The following LDAF1 variants were observed in gnomAD, a reference collection of about 807,000 sequenced individuals.
The protein encoded by LDAF1 is PROMETHIN.
A neutral mutation model predicts 13.5 loss-of-function variants in LDAF1; 7 were observed. The observed-to-expected ratio is 0.52, with a 90% CI of 0.29 to 0.97. The LOEUF is 0.97. Among genes scored for constraint, LDAF1 ranks in the 50% least tolerant of loss-of-function variants. The probability of loss-of-function intolerance (pLI) is 0.07; values close to 1 mark genes in which losing one functional copy is unlikely to be tolerated. For synonymous variants in LDAF1, 69 were observed against 77.1 expected (o/e 0.89, Z 0.55); for missense variants, 148 against 193.2 (o/e 0.77, Z 1.39).
chr16:21,159,758 C>T (rs2092946617), intron 1 of LDAF1: 2 of 214,178 alleles, frequency 9.3e-6, no homozygotes, highest in East Asian at 1.8e-4. Flanking sequence ...ATGGCATTCG[C>T]CCCACGCACT....
intron 1 of LDAF1, among the ~76,000 whole-genome samples, chr16:21,159,019 C>A (rs2092928704): frequency 1.3e-5 from 2 of 151,792 alleles, no homozygotes; most frequent in African/African-American, 4.8e-5. Context: ...CACACATACA[C>A]ACACACACTA....
intron 4 of LDAF1, among the ~76,000 whole-genome samples, chr16:21,177,644 C>T (rs1432760039): frequency 1.7e-5 from 2 of 115,674 alleles, no homozygotes; most frequent in Non-Finnish European, 3.4e-5. Context: ...TTTTTTGAGA[C>T]GAGTCTCACT....
At chr16:21,164,834 T>A (rs564988848) in intron 2 of LDAF1, among the ~76,000 whole-genome samples, 2 of 152,200 alleles carry the variant, frequency 1.3e-5, no homozygotes, top group Non-Finnish European at 2.9e-5. Context: ...TCTGTTGCCA[T>A]GAGAATGAAA....
chr16:21,161,153 A>T lies in LDAF1; in HGVS notation c.-30A>T, dbSNP rs777385395. On this transcript the variant is annotated 5_prime_UTR_variant, in exon 2 of 5. Transcript: ENST00000233047. ...GGAGAATTTACTGGTAGGATAATTC[A>T]TCCCTAAAGAGATTGAAGTGAGCTT... 1 of 1,610,060 alleles carries T rather than the reference A, an allele frequency of 6.2e-7. No individual in the cohort carries two copies. Among genetic ancestry groups the T allele is most frequent in the Non-Finnish European group, 8.5e-7 (1 of 1,178,914 alleles).
chr16:21,159,030 C>T (rs1217264068), intron 1 of LDAF1, among the ~76,000 whole-genome samples: 1 of 151,430 alleles, frequency 6.6e-6, no homozygotes, highest in Non-Finnish European at 1.5e-5. Flanking sequence ...ACACACACTA[C>T]CACTAGATTA....
intron 2 of LDAF1, among the ~76,000 whole-genome samples, chr16:21,168,379 G>A (rs2093046433): frequency 6.6e-6 from 1 of 151,994 alleles, no homozygotes; most frequent in Non-Finnish European, 1.5e-5. Context: ...CAAGTGATTA[G>A]CTTTTAATGC....
At chr16:21,178,188 G>A (rs955079451) in intron 4 of LDAF1, 1 of 985,278 alleles carries the variant, frequency 1.0e-6, no homozygotes, top group Non-Finnish European at 1.2e-6. Context: ...GCTAGCCTCT[G>A]AGGGGCAAAA....
intron 2 of LDAF1, among the ~76,000 whole-genome samples, chr16:21,164,660 C>G (rs2093007536): frequency 6.6e-6 from 1 of 152,226 alleles, no homozygotes; most frequent in African/African-American, 2.4e-5. Flanking sequence ...ATAATGTTGT[C>G]AGTCTGTCTC....
chr16:21,173,946 C>T, intron 3 of LDAF1, 64 bp from the exon 4 acceptor site: 1 of 1,521,430 alleles, frequency 6.6e-7, no homozygotes, highest in Non-Finnish European at 8.9e-7. Flanking sequence ...CAGACTGACC[C>T]AGGGTCTGCC....
chr16:21,162,764 G>T (rs1048969834), intron 2 of LDAF1, among the ~76,000 whole-genome samples: 3 of 152,170 alleles, frequency 2.0e-5, no homozygotes, highest in Admixed American at 2.0e-4. Flanking sequence ...GGGGACTCTT[G>T]TTATTAAAAG....
Position 21,169,690 on chromosome 16 carries a change from C to T in LDAF1, c.97-747C>T, listed in dbSNP as rs2093066591. ...TCTGAGTGGCTTCAACTATGAGAAC[C>T]TCAGCTGTAAAGTAGGAGGCAGATG... is the stretch of plus-strand genomic sequence containing the variant. On this transcript the variant is annotated intron_variant, in intron 2 of 4. Transcript: ENST00000233047. Among the ~76,000 whole-genome samples the T allele has an allele frequency of 2.0e-5, 3 of 152,196 alleles. No homozygotes were observed. In the South Asian group the frequency reaches 6.2e-4, roughly 31 times the overall value.
chr16:21,168,125 G>A (rs572914243), intron 2 of LDAF1, among the ~76,000 whole-genome samples: 8 of 151,798 alleles, frequency 5.3e-5, no homozygotes, highest in Non-Finnish European at 7.4e-5. Context: ...AACGATTCTC[G>A]TGCCTCAGCC....
chr16:21,178,083 G>A (rs186604195), intron 4 of LDAF1: 2 of 517,036 alleles, frequency 3.9e-6, no homozygotes, highest in African/African-American at 4.2e-5. Context: ...AAAAAGAAAA[G>A]AAAAAGGAAA....
chr16:21,159,276 T>C (rs764731615), intron 1 of LDAF1: 4 of 1,502,118 alleles, frequency 2.7e-6, no homozygotes, highest in Non-Finnish European at 2.8e-6. Context: ...CCCTCTGAGT[T>C]CCCATTATTC....
At chr16:21,166,825 CTCTT>C (rs1276231886) in intron 2 of LDAF1, 49 of 1,535,428 alleles carry the variant, frequency 3.2e-5, no homozygotes, top group Non-Finnish European at 4.1e-5. Flanking sequence ...TCCTCCGCCT[CTCTT>C]TCTCTTTCAG....
At chr16:21,168,593 TATA>T (rs998844372) in intron 2 of LDAF1, among the ~76,000 whole-genome samples, 19 of 143,312 alleles carry the variant, frequency 1.3e-4, no homozygotes, top group East Asian at 6.1e-4. Flanking sequence ...TTATATAATA[TATA>T]ATAATGCTAT....
intron 3 of LDAF1, 45 bp from the exon 4 acceptor site, chr16:21,173,965 A>C: frequency 6.3e-7 from 1 of 1,582,120 alleles, no homozygotes; most frequent in Non-Finnish European, 8.6e-7. Context: ...CCAGTTTTCA[A>C]CCTGTTTGAG....
intron 4 of LDAF1, chr16:21,178,251 GAGA>G (rs2093156706): frequency 5.1e-6 from 5 of 985,330 alleles, no homozygotes; most frequent in Non-Finnish European, 6.0e-6. Context: ...TGCAGCTCAG[GAGA>G]AGTAGGGGCC....
At chr16:21,165,717 C>G (rs767186265) in intron 2 of LDAF1, 1 of 674,536 alleles carries the variant, frequency 1.5e-6, no homozygotes, top group African/African-American at 2.0e-5. Context: ...GCTCAAATGA[C>G]AGCAGTTTGT....
Sources: gnomAD v4.1 joint callset for allele counts (sites outside exome capture counted in the v4.1 genomes callset) on GRCh38, gnomAD v4.1.1 for gene constraint, MANE v1.5 for transcripts, NCBI Gene and HGNC (gene_info 2026-07-23, HGNC 2026-07-21) for gene names.